The following PLSCR2 variants were observed in gnomAD, a reference collection of about 807,000 sequenced individuals.
PLSCR2 encodes the protein phospholipid scramblase 2.
In PLSCR2, 18 loss-of-function variants were observed where a neutral mutation model predicts 25.3. That is an observed-to-expected ratio of 0.71 (90% CI 0.49 to 1.06). PLSCR2 has a LOEUF of 1.06. Ranked by LOEUF, PLSCR2 falls within the 50% of genes least tolerant of loss-of-function variation. The pLI is 0.00. For synonymous variants in PLSCR2, 88 were observed against 87.3 expected (o/e 1.01, Z -0.04); for missense variants, 243 against 269.5 (o/e 0.90, Z 0.69).
At chr3:146,479,492 A>G (rs2043053688) in intron 1 of PLSCR2, among the ~76,000 whole-genome samples, 2 of 152,226 alleles carry the variant, frequency 1.3e-5, no homozygotes, top group Non-Finnish European at 2.9e-5. Context: ...AAAGAGACAA[A>G]GAAGGCCATT....
chr3:146,441,182 T>C (rs1348714553), downstream of PLSCR2, among the ~76,000 whole-genome samples: 1 of 152,048 alleles, frequency 6.6e-6, no homozygotes, highest in Non-Finnish European at 1.5e-5. Flanking sequence ...TTTCTGAAGA[T>C]TAAAAAATAC....
intron 2 of PLSCR2, among the ~76,000 whole-genome samples, chr3:146,420,244 T>C (rs2039103186): frequency 6.6e-6 from 1 of 152,174 alleles, no homozygotes; most frequent in African/African-American, 2.4e-5. Context: ...CACTCTAAAT[T>C]TGTGTAAAAT....
intron 1 of PLSCR2, among the ~76,000 whole-genome samples, chr3:146,479,274 C>T (rs2043044309): frequency 6.6e-6 from 1 of 152,030 alleles, no homozygotes; most frequent in African/African-American, 2.4e-5. Flanking sequence ...GACTAAATGC[C>T]CCAATTAAAA....
chr3:146,461,008 A>G (rs978931968), upstream of PLSCR2, among the ~76,000 whole-genome samples: 2 of 152,224 alleles, frequency 1.3e-5, no homozygotes, highest in South Asian at 4.1e-4. Context: ...AAATCAACAG[A>G]GTTTGAGGAA....
intron 1 of PLSCR2, among the ~76,000 whole-genome samples, chr3:146,483,477 GTGTATA>G (rs1560054963): frequency 3.4e-5 from 1 of 29,274 alleles, no homozygotes; most frequent in Admixed American, 2.9e-4. Flanking sequence ...ATATATACAT[GTGTATA>G]TATATATATA....
intron 1 of PLSCR2, among the ~76,000 whole-genome samples, chr3:146,470,223 C>A (rs1009515492): frequency 6.6e-6 from 1 of 152,098 alleles, no homozygotes; most frequent in Non-Finnish European, 1.5e-5. Context: ...CACCCTCATG[C>A]AATAAATAAA....
chr3:146,476,900 T>A (rs1180414175), intron 1 of PLSCR2, among the ~76,000 whole-genome samples: 1 of 152,250 alleles, frequency 6.6e-6, no homozygotes, highest in East Asian at 1.9e-4. Flanking sequence ...ATGGTCTCCA[T>A]GGACCAGCTG....
intron 5 of PLSCR2, among the ~76,000 whole-genome samples, chr3:146,452,563 A>T (rs980230365): frequency 3.9e-5 from 6 of 152,114 alleles, no homozygotes; most frequent in Non-Finnish European, 7.4e-5. Context: ...ATTTGTATAA[A>T]ATTTGCTATA....
intron 1 of PLSCR2, among the ~76,000 whole-genome samples, chr3:146,483,945 C>A (rs1257143060): frequency 6.6e-6 from 1 of 151,680 alleles, no homozygotes; most frequent in Non-Finnish European, 1.5e-5. Context: ...TGAGATGGAT[C>A]AATTGACAGA....
Position 146,459,820 on chromosome 3 carries a change from TCTGAGTATTTTACGTA to T in PLSCR2, c.57+12_57+27del. 6.8e-7 allele frequency: 1 copy of T among 1,468,558 alleles called. No homozygotes were observed. Among genetic ancestry groups the T allele is most frequent in the Non-Finnish European group, 9.4e-7 (1 of 1,068,672 alleles). The allele number at this position is 1,468,558 out of a possible 1,614,324, so 91.0% of individuals were successfully genotyped here. On this transcript the variant is annotated intron_variant, in intron 2 of 6. Coordinates refer to ENST00000610787, the Ensembl canonical transcript of PLSCR2. ...ACCAGAAAGAGAGTTTTTTTTTTTT[TCTGAGTATTTTACGTA>T]TTTGAAATTACCTGACTTAAGTATT...
At chr3:146,437,332 A>G (rs560236065), downstream of PLSCR2, among the ~76,000 whole-genome samples, 4 of 152,226 alleles carry the variant, frequency 2.6e-5, no homozygotes, top group South Asian at 6.2e-4. Flanking sequence ...TATTGATTGC[A>G]ATAGTTTCTA....
intron 1 of PLSCR2, among the ~76,000 whole-genome samples, chr3:146,467,891 G>A (rs528035861): frequency 6.6e-6 from 1 of 152,162 alleles, no homozygotes; most frequent in African/African-American, 2.4e-5. Context: ...GGGCTTATTC[G>A]GGAAATGAAA....
intron 2 of PLSCR2, chr3:146,416,487 G>A (rs2039011364): frequency 6.6e-6 from 1 of 152,144 alleles, no homozygotes; most frequent in African/African-American, 2.4e-5. Context: ...AGTAAGTTGA[G>A]AAACACATTG....
chr3:146,432,834 A>G (rs1256493364), downstream of PLSCR2, among the ~76,000 whole-genome samples: 1 of 152,144 alleles, frequency 6.6e-6, no homozygotes, highest in African/African-American at 2.4e-5. Context: ...ATGTTTTTTG[A>G]AAAATAATCA....
At chr3:146,493,480 T>C (rs948595968) in intron 1 of PLSCR2, among the ~76,000 whole-genome samples, 11 of 152,162 alleles carry the variant, frequency 7.2e-5, no homozygotes, top group Admixed American at 7.2e-4. Flanking sequence ...GTTCAGCATA[T>C]GCAATTCACG....
chr3:146,418,398 G>A (rs1320136819), intron 2 of PLSCR2, among the ~76,000 whole-genome samples: 1 of 151,994 alleles, frequency 6.6e-6, no homozygotes, highest in African/African-American at 2.4e-5. Context: ...TGTGACTGTG[G>A]GTATGATCCA....
chr3:146,486,157 C>A (rs2043332241), intron 1 of PLSCR2, among the ~76,000 whole-genome samples: 1 of 152,138 alleles, frequency 6.6e-6, no homozygotes, highest in East Asian at 1.9e-4. Context: ...CTCTGGGACA[C>A]AGCTAAAGCC....
intron 3 of PLSCR2, 74 bp downstream of exon 3, chr3:146,458,337 T>C (rs1176864382): frequency 3.2e-6 from 4 of 1,263,138 alleles, no homozygotes; most frequent in Non-Finnish European, 4.3e-6. Context: ...GCTATATTTA[T>C]AGTTTTTGAT....
rs1560054875 is a variant in PLSCR2, at chr3:146,483,465, ATATATATACATGTG to A, written c.-293+12416_-293+12429del. On this transcript the variant is annotated intron_variant, in intron 1 of 8. Transcript: ENST00000336685. ...TATACACATGTATGTATATATATAT[ATATATATACATGTG>A]TATATATATATATATATATATATAT... Among the ~76,000 whole-genome samples, 47 of 56,474 alleles carry A rather than the reference ATATATATACATGTG, an allele frequency of 8.3e-4. 1 individual carries two copies. Among genetic ancestry groups the A allele is most frequent in the African/African-American group, 3.4e-3 (41 of 12,116 alleles). 37.0% of individuals were successfully genotyped at this position (56,474 alleles called of 152,430 possible).
Sources: allele counts gnomAD v4.1 joint callset (sites outside exome capture counted in the v4.1 genomes callset), GRCh38; gene constraint gnomAD v4.1.1; transcripts MANE v1.5; gene names NCBI Gene and HGNC (gene_info 2026-07-23, HGNC 2026-07-21).